MMP26: variants seen among roughly 807,000 people sequenced by gnomAD.
MMP26 encodes matrix metallopeptidase 26.
In MMP26, 33 loss-of-function variants were observed where a neutral mutation model predicts 31.0. That is an observed-to-expected ratio of 1.06 (90% CI 0.81 to 1.42). MMP26 has a LOEUF of 1.42. MMP26 is among the 40% of genes most tolerant of loss of function. The probability of loss-of-function intolerance (pLI) is 0.00; values close to 1 mark genes in which losing one functional copy is unlikely to be tolerated. For missense variants in MMP26, 347 were observed against 316.1 expected (o/e 1.10, Z -0.74); for synonymous variants, 122 against 114.9 (o/e 1.06, Z -0.40).
intron 4 of MMP26, among the ~76,000 whole-genome samples, chr11:4,990,253 C>T (rs1564820810): frequency 6.6e-6 from 1 of 152,140 alleles, no homozygotes; most frequent in Non-Finnish European, 1.5e-5. Context: ...GAATGCTATA[C>T]ATTTTAATTT....
At chr11:4,917,585 T>G (rs1231020110) in intron 2 of MMP26, among the ~76,000 whole-genome samples, 5 of 152,212 alleles carry the variant, frequency 3.3e-5, no homozygotes, top group Non-Finnish European at 5.9e-5. Context: ...ACTGTCCACC[T>G]GAAGATCATA....
At chr11:4,926,970 T>G (rs968118380) in intron 2 of MMP26, among the ~76,000 whole-genome samples, 1 of 152,184 alleles carries the variant, frequency 6.6e-6, no homozygotes, top group Non-Finnish European at 1.5e-5. Flanking sequence ...ATTGTCCATT[T>G]TCTTCTCAAT....
At chr11:4,783,100 A>G (rs1341076430) in intron 2 of MMP26, among the ~76,000 whole-genome samples, 2 of 152,218 alleles carry the variant, frequency 1.3e-5, no homozygotes, top group Non-Finnish European at 2.9e-5. Flanking sequence ...AGCTATGAGA[A>G]GAGGGACACG....
At chr11:4,847,316 G>A (rs73403084) in intron 2 of MMP26, among the ~76,000 whole-genome samples, 6,954 of 152,202 alleles carry the variant, frequency 0.046, 524 homozygotes, top group African/African-American at 0.16. Flanking sequence ...AATTGAGACC[G>A]ATAATTCCAA....
chr11:4,771,066 G>T (rs532121010), intron 2 of MMP26, among the ~76,000 whole-genome samples: 1 of 152,188 alleles, frequency 6.6e-6, no homozygotes, highest in Non-Finnish European at 1.5e-5. Context: ...AAACTTGGCA[G>T]TGAAGGCAAG....
At chr11:4,942,702 T>A (rs1040956165) in intron 2 of MMP26, 10 of 152,150 alleles carry the variant, frequency 6.6e-5, no homozygotes, top group Non-Finnish European at 1.3e-4. Flanking sequence ...ATGTTAATGA[T>A]CTCACAAATA....
chr11:4,881,826 A>C, intron 2 of MMP26: 1 of 1,280,584 alleles, frequency 7.8e-7, no homozygotes, highest in South Asian at 1.3e-5. Flanking sequence ...AAAATGACTA[A>C]TAAAATGTAT....
At chr11:4,912,530 C>T (rs923247477) in intron 2 of MMP26, 4 of 152,088 alleles carry the variant, frequency 2.6e-5, no homozygotes, top group Non-Finnish European at 5.9e-5. Flanking sequence ...AAGACACATA[C>T]CACTCATGAC....
chr11:4,738,997 T>A (rs11033633), intron 1 of MMP26, among the ~76,000 whole-genome samples: 26,428 of 152,126 alleles, frequency 0.17, 2,765 homozygotes, highest in African/African-American at 0.3. Context: ...TCTGATCTTG[T>A]TTCTTGATTT....
At chr11:4,724,797 ATTC>A (rs1411697660) in intron 1 of MMP26, among the ~76,000 whole-genome samples, 4 of 152,224 alleles carry the variant, frequency 2.6e-5, no homozygotes, top group Non-Finnish European at 5.9e-5. Flanking sequence ...CAGATGCTAA[ATTC>A]CAAAGTGAGT....
chr11:4,732,019 C>T (rs1848180297), intron 1 of MMP26, among the ~76,000 whole-genome samples: 1 of 152,166 alleles, frequency 6.6e-6, no homozygotes, highest in African/African-American at 2.4e-5. Flanking sequence ...TTCATTCTTC[C>T]CACCTTGAGG....
chr11:4,855,391 C>G (rs1416454827), intron 2 of MMP26, among the ~76,000 whole-genome samples: 1 of 152,102 alleles, frequency 6.6e-6, no homozygotes, highest in Non-Finnish European at 1.5e-5. Flanking sequence ...CTGAAATGAG[C>G]TGGAAACCAT....
At chr11:4,865,556 C>T (rs959642402) in intron 2 of MMP26, among the ~76,000 whole-genome samples, 1 of 152,070 alleles carries the variant, frequency 6.6e-6, no homozygotes, top group Non-Finnish European at 1.5e-5. Flanking sequence ...AAAAATACCA[C>T]TCTCCCACCA....
intron 1 of MMP26, among the ~76,000 whole-genome samples, chr11:4,713,987 CACCA>C (rs2133267992): frequency 6.6e-6 from 1 of 152,244 alleles, no homozygotes; most frequent in South Asian, 2.1e-4. Flanking sequence ...CTGCAGAAAT[CACCA>C]CCAGGAGCTT....
chr11:4,836,236 G>A (rs1849717344), intron 2 of MMP26, among the ~76,000 whole-genome samples: 1 of 151,892 alleles, frequency 6.6e-6, no homozygotes, highest in Admixed American at 6.6e-5. Flanking sequence ...GTGATATGTT[G>A]TCATTCCTAA....
At chr11:4,806,821 C>T (rs1560843) in intron 2 of MMP26, among the ~76,000 whole-genome samples, 11,391 of 152,146 alleles carry the variant, frequency 0.075, 867 homozygotes, top group African/African-American at 0.2. Context: ...CACCTATATC[C>T]GGGGTCCACC....
At chr11:4,893,147 A>G (rs1315027210) in intron 2 of MMP26, among the ~76,000 whole-genome samples, 1 of 152,128 alleles carries the variant, frequency 6.6e-6, no homozygotes, top group Non-Finnish European at 1.5e-5. Context: ...TCTACGTAGT[A>G]TAATATACAT....
intron 2 of MMP26, among the ~76,000 whole-genome samples, chr11:4,959,124 G>A (rs1179591956): frequency 6.6e-6 from 1 of 151,206 alleles, no homozygotes; most frequent in African/African-American, 2.4e-5. Flanking sequence ...TGTAGTCCCA[G>A]CTACTCGGGA....
intron 1 of MMP26, among the ~76,000 whole-genome samples, chr11:4,759,477 T>C (rs1478263686): frequency 6.6e-6 from 1 of 152,174 alleles, no homozygotes; most frequent in Non-Finnish European, 1.5e-5. Flanking sequence ...TCCTTCATCT[T>C]TTGTTAATTA....
Sources: allele counts gnomAD v4.1 joint callset (sites outside exome capture counted in the v4.1 genomes callset), GRCh38; gene constraint gnomAD v4.1.1; transcripts MANE v1.5; gene names NCBI Gene and HGNC (gene_info 2026-07-23, HGNC 2026-07-21).